The following SLAMF1 variants were observed in gnomAD, a reference collection of about 807,000 sequenced individuals.
The protein encoded by SLAMF1 is signaling lymphocytic activation molecule.
A neutral mutation model predicts 35.1 loss-of-function variants in SLAMF1; 18 were observed. The ratio of observed to expected loss-of-function variants is 0.51; its 90% CI spans 0.35 to 0.76. The LOEUF (loss-of-function observed/expected upper bound fraction) is 0.76. Ranked by LOEUF, SLAMF1 falls within the 30% of genes least tolerant of loss-of-function variation. The probability of loss-of-function intolerance (pLI) is 0.01; values close to 1 mark genes in which losing one functional copy is unlikely to be tolerated. For missense variants in SLAMF1, 392 were observed against 413.0 expected, an observed-to-expected ratio of 0.95 and a Z score of 0.44; for synonymous variants, 168 against 157.2, an observed-to-expected ratio of 1.07 and a Z score of -0.51.
At chr1:160,620,101 A>G (rs1052709465) in intron 4 of SLAMF1, among the ~76,000 whole-genome samples, 5 of 152,242 alleles carry the variant, frequency 3.3e-5, no homozygotes, top group Non-Finnish European at 7.3e-5. Flanking sequence ...TAAATGAGAT[A>G]CCACTTGTAA....
At chr1:160,623,967 C>G (rs1558006835) in intron 4 of SLAMF1, 129 bp downstream of exon 4, 2 of 659,614 alleles carry the variant, frequency 3.0e-6, no homozygotes, top group Non-Finnish European at 5.3e-6. Context: ...ATATGTTTAT[C>G]TACTATTTTT....
At chr1:160,615,823 A>T in intron 5 of SLAMF1, 1 of 236,450 alleles carries the variant, frequency 4.2e-6, no homozygotes, top group South Asian at 4.5e-5. Flanking sequence ...GTGAAGATGA[A>T]GGCAAAAATT....
chr1:160,627,157 G>A (rs1659927206), intron 3 of SLAMF1, among the ~76,000 whole-genome samples: 1 of 152,180 alleles, frequency 6.6e-6, no homozygotes, highest in Admixed American at 6.5e-5. Context: ...CATACCCTCT[G>A]TGGCTTCAAC....
intron 5 of SLAMF1, among the ~76,000 whole-genome samples, chr1:160,618,721 A>C (rs1360520796): frequency 6.6e-6 from 1 of 152,192 alleles, no homozygotes; most frequent in Non-Finnish European, 1.5e-5. Flanking sequence ...ACATGTGGCT[A>C]GTGACTACCA....
intron 1 of SLAMF1, among the ~76,000 whole-genome samples, chr1:160,645,217 A>T (rs539225969): frequency 1.3e-5 from 2 of 152,226 alleles, no homozygotes; most frequent in African/African-American, 2.4e-5. Flanking sequence ...AGTGGATGCC[A>T]GTTTTACAAG....
At chr1:160,640,230 T>C (rs1390787571) in intron 1 of SLAMF1, among the ~76,000 whole-genome samples, 1 of 150,958 alleles carries the variant, frequency 6.6e-6, no homozygotes, top group Non-Finnish European at 1.5e-5. Context: ...ATGTGCTTAG[T>C]ATATAGGAGG....
chr1:160,629,321 CTT>C (rs1491579608), intron 3 of SLAMF1, among the ~76,000 whole-genome samples: 5 of 151,980 alleles, frequency 3.3e-5, no homozygotes, highest in Middle Eastern at 3.4e-3. Context: ...CTCTCTCTCT[CTT>C]CTCAAGTCCC....
chr1:160,623,959 A>T (rs1188727592), intron 4 of SLAMF1, 137 bp downstream of exon 4: 1 of 649,604 alleles, frequency 1.5e-6, no homozygotes. Flanking sequence ...GTCCCAGGAT[A>T]TGTTTATCTA....
At chr1:160,644,501 T>G (rs73024345) in intron 1 of SLAMF1, among the ~76,000 whole-genome samples, 1,715 of 152,366 alleles carry the variant, frequency 0.011, 35 homozygotes, top group African/African-American at 0.04. Context: ...ACCAGTATTA[T>G]TCACTCAACA....
At chr1:160,640,604 T>C (rs1373570764) in intron 1 of SLAMF1, among the ~76,000 whole-genome samples, 2 of 151,912 alleles carry the variant, frequency 1.3e-5, no homozygotes, top group Non-Finnish European at 2.9e-5. Context: ...AGATGAGCTA[T>C]TGGAAAATTG....
chr1:160,629,287 A>G (rs1660045862), intron 3 of SLAMF1, among the ~76,000 whole-genome samples: 1 of 145,162 alleles, frequency 6.9e-6, no homozygotes, highest in Non-Finnish European at 1.5e-5. Flanking sequence ...GTGTTGTCAC[A>G]GAAACACAGA....
intron 6 of SLAMF1, among the ~76,000 whole-genome samples, chr1:160,611,063 C>A (rs1471270652): frequency 1.3e-5 from 2 of 152,210 alleles, no homozygotes; most frequent in Non-Finnish European, 2.9e-5. Context: ...TGCCCTGTCT[C>A]CCTCTTTGCC....
chr1:160,639,213 C>T (rs1315953222), intron 1 of SLAMF1, among the ~76,000 whole-genome samples: 1 of 152,140 alleles, frequency 6.6e-6, no homozygotes, highest in Non-Finnish European at 1.5e-5. Context: ...TTCTTTCTCG[C>T]ATACTCCAAA....
intron 1 of SLAMF1, among the ~76,000 whole-genome samples, chr1:160,644,327 C>T (rs577553698): frequency 7.9e-5 from 12 of 152,302 alleles, no homozygotes; most frequent in Admixed American, 3.3e-4. Context: ...GCTATGTGAG[C>T]GCAGAGAAAT....
At chr1:160,613,676 G>A (rs565003914) in intron 5 of SLAMF1, among the ~76,000 whole-genome samples, 1 of 152,192 alleles carries the variant, frequency 6.6e-6, no homozygotes, top group South Asian at 2.1e-4. Context: ...TGTGATGGAA[G>A]GGTTAAGGAA....
At chr1:160,615,243 A>G (rs1659228211) in intron 5 of SLAMF1, among the ~76,000 whole-genome samples, 1 of 152,032 alleles carries the variant, frequency 6.6e-6, no homozygotes, top group South Asian at 2.1e-4. Context: ...ATAAAACAAT[A>G]ATAATTATGT....
Position 160,609,901 on chromosome 1 carries a change from C to G in SLAMF1, c.*847G>C, listed in dbSNP as rs896530281. 4 of 173,792 alleles carry G rather than the reference C, an allele frequency of 2.3e-5. No homozygotes were observed. Among genetic ancestry groups the G allele is most frequent in the Admixed American group, 5.8e-5 (1 of 17,176 alleles). The allele number at this position is 173,792 out of a possible 1,614,324, so 10.8% of individuals were successfully genotyped here. A position where few individuals can be genotyped will look rare whatever the true frequency, so the allele number is the denominator to read the frequency against. On this transcript the variant is annotated 3_prime_UTR_variant, in exon 7 of 7. Coordinates refer to ENST00000302035, the MANE Select transcript of SLAMF1 (RefSeq NM_003037.5). ...CAGGTTTGTTGTTCAAGGGAATCAA[C>G]AGAGAACTGGGATTTAAACATCATT...
rs139780213 is a variant in SLAMF1 at position 160,637,859 on chromosome 1, A to C, written c.77-330T>G. Among the ~76,000 whole-genome samples, 9 of 152,336 alleles carry C rather than the reference A, an allele frequency of 5.9e-5. No individual in the cohort carries two copies. The East Asian group carries it at 1.7e-3, about 29-fold the overall frequency. On this transcript the variant is annotated intron_variant, in intron 1 of 6. Coordinates refer to ENST00000302035, the MANE Select transcript of SLAMF1 (RefSeq NM_003037.5). ...GGCTTCCCTAACTAGTAAGTGGCAG[A>C]GTCAGGATTAGAATTCAGTTCTGCT...
Position 160,646,939 on chromosome 1 carries a change from G to T in SLAMF1, c.7C>A (p.Pro3Thr), listed in dbSNP as rs199914139. 1.5e-4 allele frequency: 245 copies of T among 1,593,870 alleles called. No individual in the cohort carries two copies. Among genetic ancestry groups the T allele is most frequent in the Non-Finnish European group, 2.0e-4 (228 of 1,162,686 alleles). The stretch of plus-strand genomic sequence containing the variant: ...AAGGTCAAGGAGAGGAGCCCCTTGG[G>T]ATCCATCAGCCAATGAGGAGAAGGA... Reference protein sequence around the residue: MDPKGLLSLTFVL... With the variant: MDTKGLLSLTFVL... The change falls in exon 1 of 7, where the codon CCC becomes ACC. Residue 3 changes from proline to threonine, a missense_variant. Physicochemically the swap from Pro to Thr is conservative, Grantham distance 38. Transcript: ENST00000302035.
Sources: allele counts gnomAD v4.1 joint callset (sites outside exome capture counted in the v4.1 genomes callset), GRCh38; gene constraint gnomAD v4.1.1; transcripts MANE v1.5; gene names NCBI Gene and HGNC (gene_info 2026-07-23, HGNC 2026-07-21).